The following MYO1D variants were observed in gnomAD, a reference collection of about 807,000 sequenced individuals.
The protein encoded by MYO1D is unconventional myosin-Id.
MYO1D carries 83 observed loss-of-function variants against 122.0 expected under a neutral mutation model. The observed-to-expected ratio is 0.68, with a 90% CI of 0.57 to 0.82. MYO1D has a LOEUF of 0.82. MYO1D is among the 40% of genes least tolerant of loss of function. The pLI, the probability that MYO1D is intolerant of heterozygous loss-of-function variation, is 0.00. For missense variants in MYO1D, 1,157 were observed against 1,269.5 expected (o/e 0.91, Z 1.35); for synonymous variants, 464 against 446.9 (o/e 1.04, Z -0.48).
At chr17:32,744,961 T>A (rs2089816360) in intron 13 of MYO1D, among the ~76,000 whole-genome samples, 1 of 152,230 alleles carries the variant, frequency 6.6e-6, no homozygotes, top group East Asian at 1.9e-4. Flanking sequence ...GCTGGAAGGC[T>A]GGCAGCAGTG....
chr17:32,763,051 T>A (rs2090018374), intron 8 of MYO1D, among the ~76,000 whole-genome samples: 1 of 151,480 alleles, frequency 6.6e-6, no homozygotes, highest in South Asian at 2.1e-4. Flanking sequence ...CTGGGCGTGG[T>A]GGCGGTCGCC....
chr17:32,710,797 G>T (rs2089366017), intron 16 of MYO1D, among the ~76,000 whole-genome samples: 2 of 152,132 alleles, frequency 1.3e-5, no homozygotes, highest in Non-Finnish European at 2.9e-5. Context: ...GGAAAATACA[G>T]CAAGCAAAGA....
chr17:32,508,474 G>T (rs918555370), intron 21 of MYO1D, among the ~76,000 whole-genome samples: 1 of 150,552 alleles, frequency 6.6e-6, no homozygotes, highest in Non-Finnish European at 1.5e-5. Context: ...CGGAATTTTG[G>T]TATGTTGGCC....
At chr17:32,875,086 T>C (rs1391605181) in intron 1 of MYO1D, among the ~76,000 whole-genome samples, 1 of 152,154 alleles carries the variant, frequency 6.6e-6, no homozygotes, top group Non-Finnish European at 1.5e-5. Flanking sequence ...AAGATGGAGG[T>C]TAAAATGAAA....
chr17:32,773,316 C>T (rs141313451), intron 4 of MYO1D, among the ~76,000 whole-genome samples: 5 of 152,244 alleles, frequency 3.3e-5, no homozygotes, highest in East Asian at 1.9e-4. Context: ...ACAGAGGAGA[C>T]GTGTTTTATC....
chr17:32,538,063 G>C (rs1910714532), intron 21 of MYO1D, among the ~76,000 whole-genome samples: 1 of 152,094 alleles, frequency 6.6e-6, no homozygotes, highest in African/African-American at 2.4e-5. Context: ...GAACTGGGAA[G>C]CTCCTTACTC....
intron 1 of MYO1D, among the ~76,000 whole-genome samples, chr17:32,876,541 C>T (rs1454812603): frequency 1.3e-5 from 2 of 152,136 alleles, no homozygotes; most frequent in African/African-American, 4.8e-5. Flanking sequence ...CTCAGGGAAG[C>T]GCGGCCCTTG....
intron 21 of MYO1D, chr17:32,594,109 A>G (rs2087466166): frequency 6.5e-6 from 1 of 152,914 alleles, no homozygotes; most frequent in Non-Finnish European, 1.5e-5. Flanking sequence ...TATTTAGTTA[A>G]CCCTTGAAAT....
chr17:32,519,492 G>T (rs1223889294), intron 21 of MYO1D: 1 of 152,414 alleles, frequency 6.6e-6, no homozygotes, highest in Non-Finnish European at 1.5e-5. Flanking sequence ...GGGGGCGGAG[G>T]CTGCGGCTTC....
intron 16 of MYO1D, among the ~76,000 whole-genome samples, chr17:32,701,007 G>A (rs2150980545): frequency 6.6e-6 from 1 of 150,682 alleles, no homozygotes; most frequent in East Asian, 1.9e-4. Context: ...ATTTTTTGAG[G>A]AAAAAATAAT....
intron 20 of MYO1D, among the ~76,000 whole-genome samples, chr17:32,608,714 C>T (rs1253477948): frequency 6.6e-6 from 1 of 152,186 alleles, no homozygotes; most frequent in East Asian, 1.9e-4. Context: ...TTTACAGCAG[C>T]TCTACTAATA....
At position 32,654,628 on chromosome 17, in the gene MYO1D, G is replaced by C; in HGVS notation, c.2346-7C>G. ...GAGCTGGGATGCTCTCCATCTACAA[G>C]TAAATAGACAACATGTATTAGACTT... is the stretch of plus-strand genomic sequence containing the variant. On this transcript the variant is annotated splice_polypyrimidine_tract_variant and splice_region_variant and intron_variant, in intron 17 of 21. Transcript: ENST00000318217. 6.3e-7 allele frequency: 1 copy of C among 1,594,176 alleles called. No individual in the cohort carries two copies. The highest frequency in any genetic ancestry group is 8.5e-7 in the Non-Finnish European group (1 of 1,171,182).
chr17:32,838,006 C>G (rs969147029), intron 1 of MYO1D, among the ~76,000 whole-genome samples: 1 of 151,980 alleles, frequency 6.6e-6, no homozygotes, highest in Non-Finnish European at 1.5e-5. Context: ...ATATTTACTG[C>G]AATCATTTCC....
intron 1 of MYO1D, among the ~76,000 whole-genome samples, chr17:32,844,620 G>C (rs897145745): frequency 2.6e-5 from 4 of 151,784 alleles, no homozygotes; most frequent in Admixed American, 2.6e-4. Flanking sequence ...TTACTACAGA[G>C]TTACTAAGGC....
chr17:32,860,496 C>T (rs2091061120), intron 1 of MYO1D, among the ~76,000 whole-genome samples: 1 of 152,230 alleles, frequency 6.6e-6, no homozygotes, highest in African/African-American at 2.4e-5. Flanking sequence ...ATCTTTCTCA[C>T]ACCTACAACA....
In MYO1D at chr17:32,561,646, C is replaced by T. The variant is rs536823387; in HGVS notation, c.2864+43441G>A. On this transcript the variant is annotated intron_variant, in intron 21 of 21. Transcript: ENST00000318217. ...AGGAGGTTGCAGTGAGCCGAGATCC[C>T]GCCACTGCACTCCAGTCTGGAGACA... Among the ~76,000 whole-genome samples, 137 of 148,250 alleles carry T rather than the reference C, an allele frequency of 9.2e-4. 1 individual carries two copies. The highest frequency in any genetic ancestry group is 3.1e-3 in the African/African-American group (125 of 39,970).
Position 32,494,413 on chromosome 17 carries a change from G to A in MYO1D, c.*346C>T, listed in dbSNP as rs1909011008. The A allele has an allele frequency of 4.2e-6, 1 of 237,234 alleles. No individual in the cohort carries two copies. The highest frequency in any genetic ancestry group is 8.2e-6 in the Non-Finnish European group (1 of 121,308). The allele number at this position is 237,234 out of a possible 1,614,324, so 14.7% of individuals were successfully genotyped here. A position where few individuals can be genotyped will look rare whatever the true frequency, so the allele number is the denominator to read the frequency against. ...TTCCCTCTGCAGGGTCAGCAGCAGGGAGGACACCTGTCCAGGTGCTCTGAC... is the reference window on the plus strand; with the variant it reads ...TTCCCTCTGCAGGGTCAGCAGCAGGAAGGACACCTGTCCAGGTGCTCTGAC... On this transcript the variant is annotated 3_prime_UTR_variant, in exon 22 of 22. Coordinates refer to ENST00000318217, the MANE Select transcript of MYO1D (RefSeq NM_015194.3).
chr17:32,510,479 A>G (rs1010747831), intron 21 of MYO1D: 1 of 152,234 alleles, frequency 6.6e-6, no homozygotes, highest in Admixed American at 6.5e-5. Flanking sequence ...CAGGCTGCTA[A>G]AGAAAGAGGC....
At chr17:32,846,283 A>G (rs2090936898) in intron 1 of MYO1D, among the ~76,000 whole-genome samples, 1 of 152,246 alleles carries the variant, frequency 6.6e-6, no homozygotes, top group East Asian at 1.9e-4. Flanking sequence ...TACCTACTTC[A>G]ACATTATCTC....
Sources: gnomAD v4.1 joint callset for allele counts (sites outside exome capture counted in the v4.1 genomes callset) on GRCh38, gnomAD v4.1.1 for gene constraint, MANE v1.5 for transcripts, NCBI Gene and HGNC (gene_info 2026-07-23, HGNC 2026-07-21) for gene names.